CENPW: variants seen among roughly 807,000 people sequenced by gnomAD.
The protein encoded by CENPW is centromere protein W.
Under a neutral mutation model 11.1 loss-of-function variants are expected in CENPW, and 3 were observed. The ratio of observed to expected loss-of-function variants is 0.27; its 90% confidence interval spans 0.12 to 0.70. The LOEUF is 0.70. Ranked by LOEUF, CENPW falls within the 30% of genes least tolerant of loss-of-function variation. The pLI, the probability that CENPW is intolerant of heterozygous loss-of-function variation, is 0.77. For missense variants in CENPW, 100 were observed against 105.6 expected (o/e 0.95, Z 0.23); for synonymous variants, 38 against 42.0 (o/e 0.91, Z 0.37).
chr6:126,409,550 C>T, the CENPW span, among the ~76,000 whole-genome samples: 1 of 151,894 alleles, frequency 6.6e-6, no homozygotes, highest in Non-Finnish European at 1.5e-5. Flanking sequence ...GTATCTCTTC[C>T]TTTATATGTA....
downstream of CENPW, among the ~76,000 whole-genome samples, chr6:126,351,289 A>G (rs1309155451): frequency 2.0e-5 from 3 of 151,972 alleles, no homozygotes; most frequent in Admixed American, 6.6e-5. Context: ...CCTGTGTGAT[A>G]CCCAAAAGCC....
At chr6:126,448,766 C>G in the CENPW span, among the ~76,000 whole-genome samples, 1 of 150,904 alleles carries the variant, frequency 6.6e-6, no homozygotes, top group Non-Finnish European at 1.5e-5. Flanking sequence ...AAGGATAAAT[C>G]CACTCTCAAA....
the CENPW span, among the ~76,000 whole-genome samples, chr6:126,354,849 C>T: frequency 1.9e-3 from 283 of 152,234 alleles, 1 homozygote; most frequent in African/African-American, 6.4e-3. Flanking sequence ...TATACTCCAA[C>T]TAGGGTAACC....
the CENPW span, among the ~76,000 whole-genome samples, chr6:126,468,140 C>T: frequency 6.6e-6 from 1 of 152,072 alleles, no homozygotes; most frequent in Non-Finnish European, 1.5e-5. Flanking sequence ...GTAACTTGGG[C>T]CCGGTGCTCT....
At chr6:126,408,095 A>G in the CENPW span, among the ~76,000 whole-genome samples, 2 of 152,136 alleles carry the variant, frequency 1.3e-5, no homozygotes, top group Non-Finnish European at 2.9e-5. Context: ...AGGATTCCCT[A>G]TTTAGTAAAT....
the CENPW span, among the ~76,000 whole-genome samples, chr6:126,478,144 T>G: frequency 2.0e-5 from 3 of 152,138 alleles, no homozygotes; most frequent in Non-Finnish European, 4.4e-5. Context: ...TTCCTTATTC[T>G]GATTACACCA....
chr6:126,481,209 A>C, the CENPW span, among the ~76,000 whole-genome samples: 23 of 152,058 alleles, frequency 1.5e-4, no homozygotes, highest in African/African-American at 4.3e-4. Flanking sequence ...AGATTACCTG[A>C]GCTTCAGATT....
At chr6:126,385,442 A>G in the CENPW span, among the ~76,000 whole-genome samples, 57 of 152,292 alleles carry the variant, frequency 3.7e-4, no homozygotes, top group African/African-American at 1.3e-3. Context: ...GAACAAACTC[A>G]TGTCCTTTGA....
At chr6:126,407,413 A>T in the CENPW span, among the ~76,000 whole-genome samples, 1 of 152,152 alleles carries the variant, frequency 6.6e-6, no homozygotes, top group Non-Finnish European at 1.5e-5. Flanking sequence ...ATGTATCTTT[A>T]TAATATAATT....
the CENPW span, among the ~76,000 whole-genome samples, chr6:126,364,788 A>G: frequency 6.6e-6 from 1 of 152,214 alleles, no homozygotes; most frequent in Non-Finnish European, 1.5e-5. Context: ...ATATGAAGAA[A>G]GAGAATTACT....
At chr6:126,395,136 T>G in the CENPW span, among the ~76,000 whole-genome samples, 1 of 152,084 alleles carries the variant, frequency 6.6e-6, no homozygotes. Flanking sequence ...CTACTCCCCC[T>G]TCCACTCTTT....
the CENPW span, among the ~76,000 whole-genome samples, chr6:126,453,487 T>G: frequency 2.6e-5 from 4 of 151,186 alleles, no homozygotes; most frequent in African/African-American, 9.7e-5. Flanking sequence ...AATAAGATCC[T>G]TTTTAGACAA....
chr6:126,417,114 G>T, the CENPW span, among the ~76,000 whole-genome samples: 3 of 152,228 alleles, frequency 2.0e-5, no homozygotes, highest in Admixed American at 6.5e-5. Flanking sequence ...TCCTGCATCA[G>T]TGTGACCTGG....
chr6:126,454,213 C>G, the CENPW span, among the ~76,000 whole-genome samples: 1 of 151,156 alleles, frequency 6.6e-6, no homozygotes, highest in African/African-American at 2.4e-5. Flanking sequence ...GAAACCTGAC[C>G]AAATGGGCCT....
the CENPW span, among the ~76,000 whole-genome samples, chr6:126,467,420 G>A: frequency 6.6e-6 from 1 of 152,046 alleles, no homozygotes; most frequent in Non-Finnish European, 1.5e-5. Flanking sequence ...TAACGGTGCT[G>A]GGAAAACTAC....
At chr6:126,385,120 C>G in the CENPW span, among the ~76,000 whole-genome samples, 1 of 151,908 alleles carries the variant, frequency 6.6e-6, no homozygotes, top group Non-Finnish European at 1.5e-5. Context: ...CAGGTGCTGG[C>G]AAGGTTGCAA....
the CENPW span, among the ~76,000 whole-genome samples, chr6:126,380,427 T>C: frequency 6.6e-6 from 1 of 152,338 alleles, no homozygotes; most frequent in African/African-American, 2.4e-5. Flanking sequence ...GAAATTCACC[T>C]ATGACCTTAG....
At chr6:126,383,700 G>A in the CENPW span, among the ~76,000 whole-genome samples, 20 of 152,192 alleles carry the variant, frequency 1.3e-4, no homozygotes, top group East Asian at 3.9e-3. Context: ...ATGATGAAGG[G>A]ATCAATTCCA....
chr6:126,344,646 A>G (rs1780372981), intron 1 of CENPW, among the ~76,000 whole-genome samples: 1 of 152,216 alleles, frequency 6.6e-6, no homozygotes, highest in Non-Finnish European at 1.5e-5. Flanking sequence ...TCTTGTGAGA[A>G]TCAATGAAGA....
Sources: gnomAD v4.1 joint callset for allele counts (sites outside exome capture counted in the v4.1 genomes callset) on GRCh38, gnomAD v4.1.1 for gene constraint, MANE v1.5 for transcripts, NCBI Gene and HGNC (gene_info 2026-07-23, HGNC 2026-07-21) for gene names.